The following KLC1 variants were observed in gnomAD, a reference collection of about 807,000 sequenced individuals.
KLC1 encodes kinesin light chain 1.
In KLC1, 30 loss-of-function variants were observed where a neutral mutation model predicts 84.2. The ratio of observed to expected loss-of-function variants is 0.36; its 90% CI spans 0.27 to 0.48. The LOEUF (loss-of-function observed/expected upper bound fraction) is 0.48, where lower values mean the gene tolerates loss of function less well. Ranked by LOEUF, KLC1 falls within the 20% of genes least tolerant of loss-of-function variation. The pLI, the probability that KLC1 is intolerant of heterozygous loss-of-function variation, is 0.99. For missense variants in KLC1, 499 were observed against 805.4 expected (o/e 0.62, Z 4.60); for synonymous variants, 289 against 293.3 (o/e 0.99, Z 0.15).
chr14:103,694,663 G>A lies in KLC1; in HGVS notation c.1848+2238G>A, dbSNP rs140389063. 3.8e-5 allele frequency: 37 copies of A among 985,448 alleles called. No homozygotes were observed. The African/African-American group carries it at 5.1e-4, about 13-fold the overall frequency. The allele number at this position is 985,448 out of a possible 1,614,324, so 61.0% of individuals were successfully genotyped here. On this transcript the variant is annotated intron_variant, in intron 15 of 16. Transcript: ENST00000334553. This position sits in a 1 kb window ranked among gnomAD's most constrained non-coding sequence, Gnocchi z 4.5. ...CCTCCATGCCAGCCAACTAGGCTAC[G>A]GGATGGAGGGGCGGTCTGTGAAACA...
chr14:103,678,145 C>G (rs2081066356), intron 12 of KLC1, among the ~76,000 whole-genome samples: 1 of 152,174 alleles, frequency 6.6e-6, no homozygotes. Flanking sequence ...AGCCTGTAGT[C>G]CCAGCTACTG....
intron 1 of KLC1, among the ~76,000 whole-genome samples, chr14:103,647,293 G>A (rs138797143): frequency 1.2e-4 from 18 of 151,866 alleles, no homozygotes; most frequent in African/African-American, 3.1e-4. Context: ...GCAGGATCTC[G>A]GCTTACTGCA....
chr14:103,651,659 T>C (rs969666677), intron 1 of KLC1, among the ~76,000 whole-genome samples: 12 of 152,310 alleles, frequency 7.9e-5, no homozygotes, highest in Non-Finnish European at 1.2e-4. Context: ...TCTTGTGCTC[T>C]CACTCCGTGC....
chr14:103,639,630 G>C (rs2077338378), intron 1 of KLC1, among the ~76,000 whole-genome samples: 1 of 151,686 alleles, frequency 6.6e-6, no homozygotes, highest in Non-Finnish European at 1.5e-5. Flanking sequence ...TGTAGAGACA[G>C]GGTCTCACTG....
rs562365497 is a variant in KLC1 at position 103,701,379 on chromosome 14, G to A, written c.*180G>A. On this transcript the variant is annotated 3_prime_UTR_variant, in exon 17 of 17. Coordinates refer to ENST00000334553, the MANE Select transcript of KLC1 (RefSeq NM_001394837.1). ...ACCACACGGCTGGCGTGACCTTGGG[G>A]CTGGGGCTGGGCCTAAGCTGGTGCC... 7.9e-6 allele frequency: 5 copies of A among 629,016 alleles called. No individual in the cohort carries two copies. The East Asian group carries it at 1.2e-4, about 15-fold the overall frequency. 39.0% of individuals were successfully genotyped at this position (629,016 alleles called of 1,614,324 possible). A position where few individuals can be genotyped will look rare whatever the true frequency, so the allele number is the denominator to read the frequency against.
At chr14:103,677,822 G>C (rs2081030078) in intron 12 of KLC1, among the ~76,000 whole-genome samples, 1 of 151,684 alleles carries the variant, frequency 6.6e-6, no homozygotes, top group Admixed American at 6.6e-5. Flanking sequence ...AGCTGGGCGT[G>C]GTGGCACACG....
At chr14:103,698,547 G>T (rs1440045059) in intron 15 of KLC1, 2 of 552,776 alleles carry the variant, frequency 3.6e-6, no homozygotes, top group Non-Finnish European at 6.5e-6. Flanking sequence ...GGCCAGCTCA[G>T]CAGTGGGGAC....
chr14:103,635,759 G>GAA (rs371271297), intron 1 of KLC1, among the ~76,000 whole-genome samples: 2,531 of 141,814 alleles, frequency 0.018, 64 homozygotes, highest in African/African-American at 0.058. Flanking sequence ...ATCTCAAAAA[G>GAA]AAAAAAAAAA....
chr14:103,675,487 G>T (rs930701770), intron 9 of KLC1, 65 bp from the exon 10 acceptor site: 23 of 1,392,130 alleles, frequency 1.7e-5, no homozygotes, highest in Middle Eastern at 2.5e-4. Context: ...TCCCCTTAGA[G>T]CAGTTCAGAT....
intron 9 of KLC1, among the ~76,000 whole-genome samples, chr14:103,675,141 GA>G (rs2080770612): frequency 1.3e-5 from 2 of 152,262 alleles, no homozygotes; most frequent in Admixed American, 1.3e-4. Flanking sequence ...TGGCCAACAT[GA>G]CGAAACCCCA....
At chr14:103,680,346 G>T (rs1031802932) in intron 13 of KLC1, among the ~76,000 whole-genome samples, 2 of 151,752 alleles carry the variant, frequency 1.3e-5, no homozygotes, top group Non-Finnish European at 2.9e-5. Context: ...AATTGAAGGC[G>T]GCATTTGACT....
rs1252219255 is a variant in KLC1, at chr14:103,675,555, A to C, written c.1265A>C (p.Glu422Ala). The C allele has an allele frequency of 3.1e-6, 5 of 1,611,584 alleles. No individual in the cohort carries two copies. In the Admixed American group the frequency reaches 5.0e-5, roughly 16 times the overall value. The change falls in exon 10 of 17, where the codon GAA (glutamate) becomes GCA (alanine). Residue 422 changes from glutamate (E) to alanine (A), a missense_variant. By Grantham distance (107) the Glu-to-Ala change is moderately radical (BLOSUM62 -1). Coordinates refer to ENST00000334553, the MANE Select transcript of KLC1 (RefSeq NM_001394837.1). ...HEREFGSVDD[E>A]NKPIWMHAEE... ...TATGCTGTGTTTTCTTCCCTAGATG[A>C]AAATAAACCCATCTGGATGCATGCT...
intron 15 of KLC1, chr14:103,696,091 C>CGGGGGGGGGGGGGGG: frequency 1.1e-5 from 8 of 744,650 alleles, no homozygotes; most frequent in Non-Finnish European, 1.2e-5. Context: ...ATAATCACTG[C>CGGGGGGGGGGGGGGG]GCCCCCGCCC....
At chr14:103,633,144 A>G (rs1595195769) in intron 1 of KLC1, among the ~76,000 whole-genome samples, 1 of 150,668 alleles carries the variant, frequency 6.6e-6, no homozygotes, top group African/African-American at 2.4e-5. Context: ...TGCAGCCTCT[A>G]CCTCCCAGGT....
intron 1 of KLC1, among the ~76,000 whole-genome samples, chr14:103,646,538 TCTCA>T (rs1310851795): frequency 2.6e-5 from 4 of 152,074 alleles, no homozygotes. Flanking sequence ...TCAGACAAGG[TCTCA>T]CTCTGTCACC....
chr14:103,649,916 C>T (rs1227072693), intron 1 of KLC1, among the ~76,000 whole-genome samples: 70 of 152,120 alleles, frequency 4.6e-4, no homozygotes, highest in Admixed American at 4.1e-3. Context: ...AGGGTGGTCT[C>T]GATCTCCTGA....
At chr14:103,640,109 G>T (rs1412383757) in intron 1 of KLC1, among the ~76,000 whole-genome samples, 1 of 152,044 alleles carries the variant, frequency 6.6e-6, no homozygotes, top group African/African-American at 2.4e-5. Context: ...GCTCTGTTGT[G>T]GAGTGCAGTG....
rs566961811 is a variant in KLC1 at position 103,682,868 on chromosome 14, C to T, written c.1650+3323C>T. 9.3e-5 allele frequency: 14 copies of T among 150,298 alleles called. No homozygotes were observed. In the South Asian group the frequency reaches 2.1e-3, roughly 22 times the overall value. 9.3% of individuals were successfully genotyped at this position (150,298 alleles called of 1,614,324 possible). ...TCCACTCACTGCAACCTTTGCCTTC[C>T]GGGTTCCAGCGATTCTCCTGCCTCA... On this transcript the variant is annotated intron_variant, in intron 13 of 16. Coordinates refer to ENST00000334553, the MANE Select transcript of KLC1 (RefSeq NM_001394837.1).
intron 1 of KLC1, among the ~76,000 whole-genome samples, chr14:103,649,562 CAAAAAAAAAAAAA>C (rs35297746): frequency 1.3e-5 from 1 of 75,772 alleles, no homozygotes; most frequent in Non-Finnish European, 2.4e-5. Context: ...GACCTCATCT[CAAAAAAAAAAAAA>C]AAAAAAAAAG....
Sources: gnomAD v4.1 joint callset for allele counts (sites outside exome capture counted in the v4.1 genomes callset) on GRCh38, gnomAD v4.1.1 for gene constraint, Gnocchi (gnomAD v3.1) non-coding constraint, MANE v1.5 for transcripts, NCBI Gene and HGNC (gene_info 2026-07-23, HGNC 2026-07-21) for gene names.